Variants in STPG2 observed in about 807,000 individuals in gnomAD.
STPG2 encodes sperm tail PG-rich repeat containing 2.
Under a neutral mutation model 54.2 loss-of-function variants are expected in STPG2, and 56 were observed. The ratio of observed to expected loss-of-function variants is 1.03; its 90% CI spans 0.83 to 1.29. The LOEUF (loss-of-function observed/expected upper bound fraction) is 1.29. Ranked by LOEUF, STPG2 falls within the 50% of genes most tolerant of loss-of-function variation. The pLI is 0.00. For synonymous variants in STPG2, 200 were observed against 181.8 expected (o/e 1.10, Z -0.81); for missense variants, 596 against 544.9 (o/e 1.09, Z -0.93).
intron 5 of STPG2, among the ~76,000 whole-genome samples, chr4:98,100,157 C>T (rs1333663906): frequency 6.6e-6 from 1 of 151,768 alleles, no homozygotes; most frequent in Non-Finnish European, 1.5e-5. Flanking sequence ...GAAAAAAAAC[C>T]CAAGAATTAT....
At chr4:97,959,132 A>G (rs1331852076) in intron 7 of STPG2, among the ~76,000 whole-genome samples, 1 of 152,208 alleles carries the variant, frequency 6.6e-6, no homozygotes, top group African/African-American at 2.4e-5. Flanking sequence ...TCACTGGGTC[A>G]ACAATGAAAT....
chr4:97,823,541 C>T lies in STPG2; in HGVS notation c.1204+17232G>A, dbSNP rs1235077972. On this transcript the variant is annotated intron_variant, in intron 9 of 10. Transcript: ENST00000295268. ...GACAGCTGTTCTGCCTATGGAGTAGCCATTCTTTATTCCTTTAGTTTCTTA... is the reference window on the plus strand; with the variant it reads ...GACAGCTGTTCTGCCTATGGAGTAGTCATTCTTTATTCCTTTAGTTTCTTA... Among the ~76,000 whole-genome samples the T allele has an allele frequency of 2.0e-5, 3 of 152,130 alleles. No individual in the cohort carries two copies. The South Asian group carries it at 6.2e-4, about 32-fold the overall frequency.
intron 8 of STPG2, among the ~76,000 whole-genome samples, chr4:97,868,978 T>C (rs1424991564): frequency 6.6e-6 from 1 of 151,896 alleles, no homozygotes; most frequent in African/African-American, 2.4e-5. Flanking sequence ...CAGAAGTCTT[T>C]TGATATAGTT....
chr4:97,751,644 G>A (rs757951936), intron 9 of STPG2, among the ~76,000 whole-genome samples: 1 of 151,764 alleles, frequency 6.6e-6, no homozygotes, highest in Non-Finnish European at 1.5e-5. Flanking sequence ...ACAGTGTGAA[G>A]AGTATTCACT....
At chr4:97,530,071 A>G (rs1038061215) in intron 4 of STPG2, among the ~76,000 whole-genome samples, 4 of 152,222 alleles carry the variant, frequency 2.6e-5, no homozygotes, top group African/African-American at 9.6e-5. Flanking sequence ...AACAAATAGT[A>G]TAACGTATTG....
At chr4:97,623,458 T>A (rs1049589392) in intron 10 of STPG2, among the ~76,000 whole-genome samples, 3 of 152,190 alleles carry the variant, frequency 2.0e-5, no homozygotes, top group African/African-American at 7.2e-5. Flanking sequence ...GAACATACAC[T>A]TTTCAAAGGA....
intron 4 of STPG2, among the ~76,000 whole-genome samples, chr4:97,526,064 T>C (rs930618667): frequency 2.6e-5 from 4 of 152,088 alleles, no homozygotes; most frequent in African/African-American, 7.2e-5. Context: ...AAAACACAAA[T>C]ATTCACTATG....
chr4:98,089,851 T>G (rs2110125203), intron 5 of STPG2, among the ~76,000 whole-genome samples: 1 of 152,270 alleles, frequency 6.6e-6, no homozygotes, highest in Non-Finnish European at 1.5e-5. Context: ...TATCTTCTTT[T>G]GATAAATTTC....
At chr4:97,887,561 A>G (rs886318766) in intron 8 of STPG2, among the ~76,000 whole-genome samples, 1 of 152,114 alleles carries the variant, frequency 6.6e-6, no homozygotes, top group African/African-American at 2.4e-5. Context: ...GCTTCTAAAA[A>G]CCTATACTCA....
intron 4 of STPG2, among the ~76,000 whole-genome samples, chr4:97,455,294 G>C (rs753569883): frequency 3.9e-5 from 6 of 152,118 alleles, no homozygotes; most frequent in Non-Finnish European, 8.8e-5. Context: ...ACAGACCTAG[G>C]TAAAGACAGG....
intron 10 of STPG2, among the ~76,000 whole-genome samples, chr4:97,623,216 T>C (rs1192927310): frequency 6.6e-6 from 1 of 152,050 alleles, no homozygotes; most frequent in Admixed American, 6.6e-5. Flanking sequence ...AAAGATTTCA[T>C]GATGAAGACA....
chr4:97,711,273 C>T (rs1560498027), intron 10 of STPG2, among the ~76,000 whole-genome samples: 1 of 152,016 alleles, frequency 6.6e-6, no homozygotes, highest in Non-Finnish European at 1.5e-5. Flanking sequence ...TTATCAAGAC[C>T]AATACCTTAT....
intron 10 of STPG2, among the ~76,000 whole-genome samples, chr4:97,632,979 CAGGT>C (rs1014584777): frequency 9.9e-5 from 15 of 151,850 alleles, no homozygotes; most frequent in East Asian, 3.9e-4. Context: ...AGATAGATGG[CAGGT>C]AGGTAGGTAG....
At chr4:97,623,022 G>C (rs973482590) in intron 10 of STPG2, among the ~76,000 whole-genome samples, 54 of 152,036 alleles carry the variant, frequency 3.6e-4, no homozygotes, top group Non-Finnish European at 6.8e-4. Context: ...ATAGAGAAAG[G>C]ACTCCGTATT....
At chr4:97,578,882 G>A (rs1010852557) in intron 10 of STPG2, among the ~76,000 whole-genome samples, 6 of 152,058 alleles carry the variant, frequency 3.9e-5, no homozygotes, top group Non-Finnish European at 8.8e-5. Flanking sequence ...GCATAGTCAG[G>A]CCTCCACTGG....
At chr4:97,952,486 C>T (rs1400865198) in intron 7 of STPG2, among the ~76,000 whole-genome samples, 1 of 152,132 alleles carries the variant, frequency 6.6e-6, no homozygotes, top group Non-Finnish European at 1.5e-5. Context: ...GGCATACTTT[C>T]CTTTCGCCTA....
intron 10 of STPG2, among the ~76,000 whole-genome samples, chr4:97,632,296 T>A (rs969189318): frequency 4.0e-5 from 6 of 151,132 alleles, no homozygotes; most frequent in African/African-American, 1.5e-4. Context: ...TTTTTTTTTT[T>A]TTTATTTCTG....
chr4:97,894,793 G>C (rs1011683647), intron 8 of STPG2, among the ~76,000 whole-genome samples: 1 of 151,914 alleles, frequency 6.6e-6, no homozygotes, highest in Non-Finnish European at 1.5e-5. Context: ...AGAGACTGGG[G>C]TCTCAACAAT....
chr4:97,855,827 T>C (rs770272176), intron 8 of STPG2, among the ~76,000 whole-genome samples: 6 of 152,210 alleles, frequency 3.9e-5, no homozygotes, highest in Non-Finnish European at 7.3e-5. Context: ...TAATCCATCT[T>C]CCATTAATTT....
Sources: gnomAD v4.1 joint callset for allele counts (sites outside exome capture counted in the v4.1 genomes callset) on GRCh38, gnomAD v4.1.1 for gene constraint, MANE v1.5 for transcripts, NCBI Gene and HGNC (gene_info 2026-07-23, HGNC 2026-07-21) for gene names.